MLLT10: variants seen among roughly 807,000 people sequenced by gnomAD.
The protein encoded by MLLT10 is MLLT10 histone lysine methyltransferase DOT1L cofactor, also known as protein AF-10.
MLLT10 carries 30 observed loss-of-function variants against 129.1 expected under a neutral mutation model. The ratio of observed to expected loss-of-function variants is 0.23; its 90% CI spans 0.17 to 0.32. The LOEUF is 0.32. Ranked by LOEUF, MLLT10 falls within the 10% of genes least tolerant of loss-of-function variation. MLLT10 has a pLI of 1.00. For missense variants in MLLT10, 1,119 were observed against 1,268.3 expected, an observed-to-expected ratio of 0.88 and a Z score of 1.79; for synonymous variants, 490 against 446.4, an observed-to-expected ratio of 1.10 and a Z score of -1.23.
intron 8 of MLLT10, chr10:21,626,301 G>T (rs536589076): frequency 8.1e-7 from 1 of 1,228,000 alleles, no homozygotes; most frequent in Non-Finnish European, 1.2e-6. Context: ...CAGAGCAGGG[G>T]CTGGTGGCTG....
intron 9 of MLLT10, among the ~76,000 whole-genome samples, chr10:21,658,832 T>A (rs2049878240): frequency 6.6e-6 from 1 of 151,954 alleles, no homozygotes; most frequent in East Asian, 1.9e-4. Context: ...CCCGGCTAAT[T>A]TTTTTGTATT....
chr10:21,615,531 GA>G (rs969347838), intron 7 of MLLT10, among the ~76,000 whole-genome samples: 10 of 150,682 alleles, frequency 6.6e-5, no homozygotes, highest in Non-Finnish European at 1.2e-4. Flanking sequence ...TACATTTAGT[GA>G]AAAAATTAAT....
intron 3 of MLLT10, among the ~76,000 whole-genome samples, chr10:21,543,479 A>G (rs1415820636): frequency 6.6e-6 from 1 of 151,492 alleles, no homozygotes; most frequent in Non-Finnish European, 1.5e-5. Flanking sequence ...TTAAAAATAT[A>G]TATTATGTTT....
chr10:21,612,841 G>A (rs2044792793), intron 6 of MLLT10, among the ~76,000 whole-genome samples: 1 of 152,140 alleles, frequency 6.6e-6, no homozygotes, highest in Non-Finnish European at 1.5e-5. Flanking sequence ...CAAGTGAGAA[G>A]TAGTGTAACC....
At chr10:21,632,997 T>C (rs1589341985) in intron 8 of MLLT10, among the ~76,000 whole-genome samples, 1 of 152,346 alleles carries the variant, frequency 6.6e-6, no homozygotes, top group South Asian at 2.1e-4. Flanking sequence ...GAGTTCCTTT[T>C]AACTCTTTCA....
At chr10:21,728,071 G>A in intron 16 of MLLT10, 143 bp downstream of exon 16, 1 of 588,958 alleles carries the variant, frequency 1.7e-6, no homozygotes, top group Non-Finnish European at 3.0e-6. Flanking sequence ...CAAGAAAAAT[G>A]ATTCTAAATT....
rs149454783 is a variant in MLLT10, at chr10:21,688,346, T to C, written c.1699+6089T>C. The C allele has an allele frequency of 9.2e-4, 614 of 665,862 alleles. 2 individuals carry two copies. In the African/African-American group the frequency reaches 0.01, roughly 11 times the overall value. The allele number at this position is 665,862 out of a possible 1,614,324, so 41.2% of individuals were successfully genotyped here. A position where few individuals can be genotyped will look rare whatever the true frequency, so the allele number is the denominator to read the frequency against. ...AGCACTGCAATTTTTTAAATTTACA[T>C]AGGTTTCATGGGGATTTTAACCCTG... On this transcript the variant is annotated intron_variant, in intron 13 of 22. Transcript: ENST00000307729.
At chr10:21,625,997 C>T (rs950596268) in intron 8 of MLLT10, 1 of 1,013,736 alleles carries the variant, frequency 9.9e-7, no homozygotes, top group Admixed American at 1.7e-5. Flanking sequence ...TGGTGGAGGC[C>T]CACCATACTT....
At chr10:21,562,650 TG>T (rs1208325893) in intron 3 of MLLT10, among the ~76,000 whole-genome samples, 2 of 151,946 alleles carry the variant, frequency 1.3e-5, no homozygotes, top group African/African-American at 4.8e-5. Flanking sequence ...GAGATTGCTT[TG>T]GAGTAGTAAA....
At chr10:21,685,206 A>G (rs1256143485) in intron 13 of MLLT10, among the ~76,000 whole-genome samples, 1 of 152,158 alleles carries the variant, frequency 6.6e-6, no homozygotes, top group East Asian at 1.9e-4. Flanking sequence ...ACTATGGATT[A>G]TTTTCATCAT....
intron 8 of MLLT10, among the ~76,000 whole-genome samples, chr10:21,621,595 A>G (rs1198343903): frequency 6.6e-6 from 1 of 151,832 alleles, no homozygotes; most frequent in Non-Finnish European, 1.5e-5. Context: ...TGTTGTGTTG[A>G]ACCGACCTCC....
At chr10:21,585,359 G>C (rs1449834065) in intron 3 of MLLT10, among the ~76,000 whole-genome samples, 2 of 152,186 alleles carry the variant, frequency 1.3e-5, no homozygotes, top group African/African-American at 4.8e-5. Context: ...TTCATAAGAA[G>C]TGGTAGTACT....
At chr10:21,738,230 G>A (rs551076235) in intron 21 of MLLT10, among the ~76,000 whole-genome samples, 68 of 151,872 alleles carry the variant, frequency 4.5e-4, no homozygotes, top group Non-Finnish European at 6.9e-4. Flanking sequence ...GCACACCACC[G>A]CACTCCAGCC....
At chr10:21,566,323 T>TC (rs953057973) in intron 3 of MLLT10, among the ~76,000 whole-genome samples, 3 of 149,146 alleles carry the variant, frequency 2.0e-5, no homozygotes, top group Non-Finnish European at 3.0e-5. Context: ...GTTGTCAGAC[T>TC]CCCCCCCACC....
chr10:21,717,390 TTGGCGGG>T (rs2056661665), intron 14 of MLLT10, among the ~76,000 whole-genome samples: 1 of 105,988 alleles, frequency 9.4e-6, no homozygotes, highest in African/African-American at 3.7e-5. Context: ...ACTTGTAAAA[TTGGCGGG>T]TGGGGGGTGG....
At chr10:21,542,227 T>G (rs1285181716) in intron 3 of MLLT10, among the ~76,000 whole-genome samples, 1 of 152,160 alleles carries the variant, frequency 6.6e-6, no homozygotes, top group East Asian at 1.9e-4. Context: ...TTTTATTCTC[T>G]CTGAGGACAT....
chr10:21,598,463 T>C (rs1252290666), intron 5 of MLLT10, among the ~76,000 whole-genome samples: 2 of 152,260 alleles, frequency 1.3e-5, no homozygotes, highest in East Asian at 3.9e-4. Context: ...GAAGCCAAAG[T>C]GGGTGCTAGG....
At chr10:21,669,481 A>G (rs2051166500) in intron 9 of MLLT10, among the ~76,000 whole-genome samples, 1 of 152,002 alleles carries the variant, frequency 6.6e-6, no homozygotes, top group Non-Finnish European at 1.5e-5. Flanking sequence ...TTTCATTTTT[A>G]TAGCAGAGAT....
At chr10:21,689,546 A>AATAT (rs370885697) in intron 13 of MLLT10, among the ~76,000 whole-genome samples, 54 of 108,314 alleles carry the variant, frequency 5.0e-4, no homozygotes, top group African/African-American at 1.4e-3. Context: ...TGTGTAAAGT[A>AATAT]ATATATATAT....
Sources: gnomAD v4.1 joint callset for allele counts (sites outside exome capture counted in the v4.1 genomes callset) on GRCh38, gnomAD v4.1.1 for gene constraint, MANE v1.5 for transcripts, NCBI Gene and HGNC (gene_info 2026-07-23, HGNC 2026-07-21) for gene names.